NUAK1: variants seen among roughly 807,000 people sequenced by gnomAD.
NUAK1 encodes NUAK family SNF1-like kinase 1.
A neutral mutation model predicts 56.9 loss-of-function variants in NUAK1; 26 were observed. The observed-to-expected ratio is 0.46, with a 90% CI of 0.33 to 0.63. The LOEUF (loss-of-function observed/expected upper bound fraction) is 0.63. NUAK1 is among the 30% of genes least tolerant of loss of function. The pLI is 0.02. For synonymous variants in NUAK1, 337 were observed against 336.0 expected (o/e 1.00, Z -0.03); for missense variants, 727 against 876.1 (o/e 0.83, Z 2.15).
chr12:106,116,637 A>G (rs1429484914), intron 1 of NUAK1, among the ~76,000 whole-genome samples: 1 of 152,264 alleles, frequency 6.6e-6, no homozygotes, highest in African/African-American at 2.4e-5. Flanking sequence ...CTGAAAGACC[A>G]TACTCTTAAC....
intron 5 of NUAK1, among the ~76,000 whole-genome samples, chr12:106,071,306 G>T (rs2032404997): frequency 6.6e-6 from 1 of 152,184 alleles, no homozygotes; most frequent in South Asian, 2.1e-4. Flanking sequence ...GTAAAACTGG[G>T]ATGCGGGGCT....
At chr12:106,136,245 A>T (rs1290568179) in intron 1 of NUAK1, among the ~76,000 whole-genome samples, 1 of 152,210 alleles carries the variant, frequency 6.6e-6, no homozygotes, top group East Asian at 1.9e-4. Context: ...ATTTTGGGGT[A>T]AAACAAGAGA....
In NUAK1 at chr12:106,130,414, A is replaced by G. The variant is rs578080102; in HGVS notation, c.240+8000T>C. On this transcript the variant is annotated intron_variant, in intron 1 of 6. Coordinates refer to ENST00000261402, the MANE Select transcript of NUAK1 (RefSeq NM_014840.3). ...GTAATATCCTCCTCTGAAAGTCCCT[A>G]TGGTGCTGGACACATTGTTAAGCAC... is the stretch of plus-strand genomic sequence containing the variant. Among the ~76,000 whole-genome samples the G allele has an allele frequency of 1.7e-4, 26 of 152,350 alleles. No individual in the cohort carries two copies. In the South Asian group the frequency reaches 4.1e-3, roughly 24 times the overall value.
At position 106,066,854 on chromosome 12, in the gene NUAK1, T is replaced by C. The variant is rs1452631825; in HGVS notation, c.1934A>G (p.Asp645Gly). 3 of 1,614,156 alleles carry C rather than the reference T, an allele frequency of 1.9e-6. No individual in the cohort carries two copies. The highest frequency in any genetic ancestry group is 2.5e-6 in the Non-Finnish European group (3 of 1,180,012). The change falls in exon 7 of 7, where the codon GAT (aspartate) becomes GGT (glycine). Residue 645 changes from aspartate to glycine, a missense_variant. Asp to Gly is a moderately conservative substitution (Grantham distance 94). Transcript: ENST00000261402. ...CGCTTGCTTGTAGACCTGAGTCACA[T>C]CATCCATGTCTGTGAGGAGGGAGAA... ...SSFSLLTDMDDVTQVYKQALE... is the reference protein window; with the variant it reads ...SSFSLLTDMDGVTQVYKQALE...
intron 6 of NUAK1, among the ~76,000 whole-genome samples, chr12:106,068,851 G>A (rs2032372749): frequency 6.6e-6 from 1 of 152,236 alleles, no homozygotes; most frequent in African/African-American, 2.4e-5. Context: ...AAGCGAATGA[G>A]AAGCTGGCAA....
intron 1 of NUAK1, among the ~76,000 whole-genome samples, chr12:106,122,860 G>T (rs1388177142): frequency 6.6e-6 from 1 of 152,188 alleles, no homozygotes; most frequent in African/African-American, 2.4e-5. Flanking sequence ...GCACCTAGGA[G>T]ATTCCCACAT....
At chr12:106,089,949 C>T (rs2032618326) in intron 2 of NUAK1, among the ~76,000 whole-genome samples, 1 of 152,164 alleles carries the variant, frequency 6.6e-6, no homozygotes, top group Non-Finnish European at 1.5e-5. Context: ...CCATGGAGTA[C>T]TCATTCTGCA....
Position 106,067,884 on chromosome 12 carries a change from T to G in NUAK1, c.904A>C (p.Asn302His), listed in dbSNP as rs781111029. ...DRRATIEDIA[N>H]HWWVNWGYKS... ...TAGCCCCAGTTCACCCACCAGTGGT[T>G]GGCAATGTCCTCAATAGTGGCCCGG... is the stretch of plus-strand genomic sequence containing the variant. The change falls in exon 7 of 7, where the codon AAC becomes CAC. Residue 302 changes from asparagine to histidine, a missense_variant. Asn to His is a moderately conservative substitution (Grantham distance 68). Transcript: ENST00000261402. The surrounding 1 kb of genome is among the most constrained non-coding windows in gnomAD (Gnocchi z 6.0). The G allele has an allele frequency of 6.2e-7, 1 of 1,614,204 alleles. No individual in the cohort carries two copies. The highest frequency in any genetic ancestry group is 8.5e-7 in the Non-Finnish European group (1 of 1,180,034).
intron 2 of NUAK1, among the ~76,000 whole-genome samples, chr12:106,090,242 G>A (rs976989438): frequency 5.9e-5 from 9 of 152,112 alleles, no homozygotes; most frequent in African/African-American, 1.7e-4. Context: ...CTGGCTCTGG[G>A]ACACCATCCC....
chr12:106,068,016 T>A, intron 6 of NUAK1, 61 bp from the exon 7 acceptor site: 1 of 1,510,580 alleles, frequency 6.6e-7, no homozygotes, highest in Non-Finnish European at 9.0e-7. Flanking sequence ...TTTGTGATAG[T>A]GGGACCCTCC....
At position 106,067,160 on chromosome 12, in the gene NUAK1, G is replaced by C. The variant is rs3741883; in HGVS notation, c.1628C>G (p.Pro543Arg). 0.23 allele frequency: 366,013 copies of C among 1,613,982 alleles called. 43,446 individuals carry two copies. The highest frequency in any genetic ancestry group is 0.41 in the East Asian group (18,200 of 44,838). The change falls in exon 7 of 7, where the codon CCT becomes CGT. Residue 543 changes from proline (P) to arginine (R), a missense_variant. Pro to Arg is a moderately radical substitution (Grantham distance 103, BLOSUM62 -2). Coordinates refer to ENST00000261402, the MANE Select transcript of NUAK1 (RefSeq NM_014840.3). This position sits in a 1 kb window ranked among gnomAD's most constrained non-coding sequence, Gnocchi z 6.0. The stretch of plus-strand genomic sequence containing the variant: ...CAGGGATTCCAGTGTGGGCATTTCA[G>C]GGCTGACCAGGGCTGGGTCCATGGT... ...AGTMDPALVSPEMPTLESLSE... is the reference protein window; with the variant it reads ...AGTMDPALVSREMPTLESLSE...
chr12:106,114,201 T>C (rs1043758140), intron 1 of NUAK1, among the ~76,000 whole-genome samples: 2 of 152,222 alleles, frequency 1.3e-5, no homozygotes, highest in Admixed American at 1.3e-4. Context: ...TCTGACACTG[T>C]TTATAACAAG....
chr12:106,091,010 A>G (rs1184746301), intron 2 of NUAK1, among the ~76,000 whole-genome samples: 1 of 152,146 alleles, frequency 6.6e-6, no homozygotes, highest in African/African-American at 2.4e-5. Context: ...CCTTGGCCCA[A>G]CGCTCCTTTG....
At chr12:106,083,447 T>C (rs1049126095) in intron 4 of NUAK1, among the ~76,000 whole-genome samples, 1 of 152,230 alleles carries the variant, frequency 6.6e-6, no homozygotes, top group African/African-American at 2.4e-5. Context: ...AGTTTCCCTA[T>C]CTGTGAAATT....
At chr12:106,116,762 C>T (rs2032921275) in intron 1 of NUAK1, among the ~76,000 whole-genome samples, 1 of 152,232 alleles carries the variant, frequency 6.6e-6, no homozygotes, top group African/African-American at 2.4e-5. Context: ...GGCCGCACTG[C>T]CTTGTCCCCA....
At chr12:106,118,919 T>C (rs1245998623) in intron 1 of NUAK1, among the ~76,000 whole-genome samples, 1 of 152,220 alleles carries the variant, frequency 6.6e-6, no homozygotes, top group East Asian at 1.9e-4. Flanking sequence ...CTTCCCAAGA[T>C]TTATGCTCCT....
intron 1 of NUAK1, among the ~76,000 whole-genome samples, chr12:106,108,484 G>C (rs1005471239): frequency 1.3e-5 from 2 of 149,150 alleles, no homozygotes; most frequent in East Asian, 3.9e-4. Context: ...ATTCAGTATA[G>C]GGCAAGAAAA....
rs767962701 is a variant in NUAK1, at chr12:106,086,744, T to C, written c.503A>G (p.Tyr168Cys). Residue 168 changes from tyrosine (Y) to cysteine (C), a missense_variant, in exon 3 of 7, where the codon TAT becomes TGT. By Grantham distance (194) the Tyr-to-Cys change is radical. Coordinates refer to ENST00000261402, the MANE Select transcript of NUAK1 (RefSeq NM_014840.3). Reference protein sequence around the residue: ...FFRQIVSAVHYCHKNGVVHRD... With the variant: ...FFRQIVSAVHCCHKNGVVHRD... ...CAGGCGCAGCCATACCTTGTGACAATAGTGCACAGCAGAGACGATCTGCCG... is the reference window on the plus strand; with the variant it reads ...CAGGCGCAGCCATACCTTGTGACAACAGTGCACAGCAGAGACGATCTGCCG... 9 of 1,612,238 alleles carry C rather than the reference T, an allele frequency of 5.6e-6. No homozygotes were observed. Among genetic ancestry groups the C allele is most frequent in the Admixed American group, 1.7e-5 (1 of 59,972 alleles).
intron 1 of NUAK1, among the ~76,000 whole-genome samples, chr12:106,131,618 C>T (rs187366311): frequency 6.6e-6 from 1 of 152,108 alleles, no homozygotes; most frequent in Non-Finnish European, 1.5e-5. Context: ...AATGGATGTG[C>T]CAGCTTTTAT....
Sources: allele counts gnomAD v4.1 joint callset (sites outside exome capture counted in the v4.1 genomes callset), GRCh38; gene constraint gnomAD v4.1.1; non-coding constraint Gnocchi (gnomAD v3.1); transcripts MANE v1.5; gene names NCBI Gene and HGNC (gene_info 2026-07-23, HGNC 2026-07-21).